Variants in SETSIP observed in about 807,000 individuals in gnomAD.
SETSIP encodes the protein SET like protein, also known as protein SETSIP.
In SETSIP, 15 loss-of-function variants were observed where a neutral mutation model predicts 21.9. That is an observed-to-expected ratio of 0.69 (90% CI 0.46 to 1.06). The LOEUF (loss-of-function observed/expected upper bound fraction) is 1.06, where lower values mean the gene tolerates loss of function less well. Ranked by LOEUF, SETSIP falls within the 50% of genes least tolerant of loss-of-function variation. The probability of loss-of-function intolerance (pLI) is 0.00; values close to 1 mark genes in which losing one functional copy is unlikely to be tolerated. For missense variants in SETSIP, 310 were observed against 337.4 expected (o/e 0.92, Z 0.64); for synonymous variants, 101 against 121.2 (o/e 0.83, Z 1.09).
exon 1 of SETSIP, chr1:92,075,233 T>C (rs1557890842): frequency 4.3e-6 from 7 of 1,611,834 alleles, no homozygotes; most frequent in Admixed American, 1.7e-5. Context: ...ACTGTCTTGT[T>C]CATTAAGTCT....
exon 1 of SETSIP, chr1:92,074,902 T>A: frequency 6.2e-7 from 1 of 1,611,772 alleles, no homozygotes; most frequent in Non-Finnish European, 8.5e-7. Context: ...TCCATTTGAT[T>A]TTGGTGGACT....
chr1:92,075,244 G>A, exon 1 of SETSIP: 1 of 1,611,892 alleles, frequency 6.2e-7, no homozygotes, highest in Non-Finnish European at 8.5e-7. Flanking sequence ...CATTAAGTCT[G>A]TCTATTTCAT....
At chr1:92,074,571 C>T (rs1647795938) in exon 1 of SETSIP, 2 of 1,573,354 alleles carry the variant, frequency 1.3e-6, no homozygotes, top group East Asian at 4.5e-5. Flanking sequence ...CCTTCCTCCC[C>T]TTCATCATCA....
exon 1 of SETSIP, chr1:92,075,361 T>G: frequency 6.2e-7 from 1 of 1,608,828 alleles, no homozygotes; most frequent in Non-Finnish European, 8.5e-7. Flanking sequence ...CAGGAGGTGG[T>G]CTTGGTTTCT....
exon 1 of SETSIP, chr1:92,074,664 C>A: frequency 6.3e-7 from 1 of 1,586,972 alleles, no homozygotes. Flanking sequence ...TCATCATCAT[C>A]ATCATCATCA....
rs370013355 is a variant in SETSIP, at chr1:92,074,651, CCAT to C, written c.758_760del (p.Asp253del). On this transcript the variant is annotated inframe_deletion, in exon 1 of 1. Coordinates refer to ENST00000596516, the Ensembl canonical transcript of SETSIP. ...TTCTAATTCTTCCTCCCCTTCATCA[CCAT>C]CATCATCATCATCATCATCATCTTC... is the stretch of plus-strand genomic sequence containing the variant. 1.4e-3 allele frequency: 2,260 copies of C among 1,568,986 alleles called. 9 individuals are homozygous for C. The highest frequency in any genetic ancestry group is 7.8e-3 in the East Asian group (347 of 44,274).
exon 1 of SETSIP, chr1:92,074,738 A>C (rs1647804160): frequency 6.2e-7 from 1 of 1,608,320 alleles, no homozygotes; most frequent in Non-Finnish European, 8.5e-7. Context: ...GTTTGGCCAA[A>C]TATCATCTTT....
exon 1 of SETSIP, chr1:92,074,543 TCTC>T (rs1647795299): frequency 1.3e-6 from 2 of 1,575,884 alleles, no homozygotes; most frequent in Non-Finnish European, 1.7e-6. Context: ...TTAGTCATCT[TCTC>T]CTTCATCCTC....
exon 1 of SETSIP, chr1:92,075,207 C>T (rs986781020): frequency 3.1e-6 from 5 of 1,611,742 alleles, no homozygotes; most frequent in Non-Finnish European, 3.4e-6. Context: ...TTCTGTTCTA[C>T]TTTCAAAATC....
chr1:92,075,360 GTCTTGGTTTCT>G lies in SETSIP; in HGVS notation c.41_51del (p.Lys14ThrfsTer29). ...TCCTCCAGTCCCAGAGCAGGAGGTG[GTCTTGGTTTCT>G]TCTTTTGAAGTGGGAGTGGAGACTG... On this transcript the variant is annotated frameshift_variant, in exon 1 of 1. Transcript: ENST00000596516. LOFTEE classifies it high-confidence loss of function. The G allele has an allele frequency of 6.2e-7, 1 of 1,609,276 alleles. No individual in the cohort carries two copies. The highest frequency in any genetic ancestry group is 8.5e-7 in the Non-Finnish European group (1 of 1,178,524).
exon 1 of SETSIP, chr1:92,075,365 G>C: frequency 6.8e-6 from 11 of 1,608,156 alleles, no homozygotes; most frequent in Non-Finnish European, 8.5e-6. Context: ...AGGTGGTCTT[G>C]GTTTCTTCTT....
chr1:92,074,736 A>C, exon 1 of SETSIP: 8 of 1,608,196 alleles, frequency 5.0e-6, no homozygotes, highest in Non-Finnish European at 6.8e-6. Context: ...GGGTTTGGCC[A>C]AATATCATCT....
chr1:92,074,951 T>C (rs1220631534), exon 1 of SETSIP: 41 of 1,611,488 alleles, frequency 2.5e-5, no homozygotes, highest in Middle Eastern at 2.2e-4. Flanking sequence ...ATGAAATTCT[T>C]TGGAGAAAAC....
exon 1 of SETSIP, chr1:92,075,051 T>C: frequency 6.2e-7 from 1 of 1,611,942 alleles, no homozygotes; most frequent in South Asian, 1.1e-5. Flanking sequence ...TCAACTTTAG[T>C]CAAATAATGC....
chr1:92,074,743 A>G, exon 1 of SETSIP: 1 of 1,608,588 alleles, frequency 6.2e-7, no homozygotes, highest in Non-Finnish European at 8.5e-7. Flanking sequence ...GCCAAATATC[A>G]TCTTTGATGA....
chr1:92,074,810 C>G, exon 1 of SETSIP: 1 of 1,611,476 alleles, frequency 6.2e-7, no homozygotes, highest in Non-Finnish European at 8.5e-7. Flanking sequence ...GGTAAAGAAG[C>G]TCTCTGGTTC....
At chr1:92,074,664 C>G in exon 1 of SETSIP, 2 of 1,586,972 alleles carry the variant, frequency 1.3e-6, no homozygotes, top group East Asian at 4.5e-5. Context: ...TCATCATCAT[C>G]ATCATCATCA....
chr1:92,075,357 G>A (rs1386152419), exon 1 of SETSIP: 3 of 1,609,634 alleles, frequency 1.9e-6, no homozygotes, highest in Non-Finnish European at 1.7e-6. Context: ...AGAGCAGGAG[G>A]TGGTCTTGGT....
exon 1 of SETSIP, chr1:92,075,328 C>T (rs906853434): frequency 9.9e-6 from 16 of 1,611,574 alleles, no homozygotes; most frequent in African/African-American, 1.3e-5. Context: ...CTGCAGAGGC[C>T]GATGTCTCCT....
Sources: allele counts gnomAD v4.1 joint callset, GRCh38; gene constraint gnomAD v4.1.1; transcripts MANE v1.5; gene names NCBI Gene and HGNC (gene_info 2026-07-23, HGNC 2026-07-21).